TTC29: variants seen among roughly 807,000 people sequenced by gnomAD.
The protein encoded by TTC29 is tetratricopeptide repeat domain 29.
A neutral mutation model predicts 58.1 loss-of-function variants in TTC29; 49 were observed. The observed-to-expected ratio is 0.84, with a 90% CI of 0.67 to 1.07. The LOEUF (loss-of-function observed/expected upper bound fraction) is 1.07, where lower values mean the gene tolerates loss of function less well. Among genes scored for constraint, TTC29 ranks in the 50% least tolerant of loss-of-function variants. The pLI, the probability that TTC29 is intolerant of heterozygous loss-of-function variation, is 0.00. For synonymous variants in TTC29, 209 were observed against 196.8 expected (o/e 1.06, Z -0.52); for missense variants, 582 against 555.6 (o/e 1.05, Z -0.48).
intron 11 of TTC29, among the ~76,000 whole-genome samples, chr4:146,715,886 T>C (rs1045134676): frequency 6.6e-6 from 1 of 152,172 alleles, no homozygotes; most frequent in Non-Finnish European, 1.5e-5. Context: ...ATTCCATAAA[T>C]ATCTACAATT....
rs760414182 is a variant in TTC29, at chr4:146,820,129, T to C, written c.1097A>G (p.Glu366Gly). The C allele has an allele frequency of 1.9e-6, 3 of 1,612,786 alleles. No individual in the cohort carries two copies. Among genetic ancestry groups the C allele is most frequent in the Non-Finnish European group, 2.5e-6 (3 of 1,179,740 alleles). ...ACAAGAAACACATAGACTCACTTTT[T>C]CATTGTAGATGTCCCCAAGCATTGT... The part of the protein sequence containing the change: ...ASTMLGDIYN[E>G]KGYYNKASEC... The change falls in exon 10 of 13, where the codon GAA becomes GGA. Residue 366 changes from glutamate to glycine, a missense_variant. By Grantham distance (98) the Glu-to-Gly change is moderately conservative. Coordinates refer to ENST00000325106, the MANE Select transcript of TTC29 (RefSeq NM_031956.4).
rs1406643090 is a variant in TTC29, at chr4:146,708,328, A to ACATG, written c.1331-778_1331-777insCATG. On this transcript the variant is annotated intron_variant, in intron 11 of 12. Transcript: ENST00000325106. ...GAAGTTTATATATATATATATATAT[A>ACATG]TATATATATATATATATATATATAT... Among the ~76,000 whole-genome samples the ACATG allele has an allele frequency of 5.3e-4, 25 of 47,560 alleles. 2 individuals are homozygous for ACATG. The highest frequency in any genetic ancestry group is 1.2e-3 in the African/African-American group (21 of 18,200). 31.2% of individuals were successfully genotyped at this position (47,560 alleles called of 152,430 possible). A position where few individuals can be genotyped will look rare whatever the true frequency, so the allele number is the denominator to read the frequency against.
At chr4:146,755,315 T>C (rs994870828) in intron 11 of TTC29, among the ~76,000 whole-genome samples, 1 of 152,198 alleles carries the variant, frequency 6.6e-6, no homozygotes, top group African/African-American at 2.4e-5. Flanking sequence ...TATAAAGTTT[T>C]AATGCAATCC....
chr4:146,870,377 T>C (rs1310962836), intron 7 of TTC29, among the ~76,000 whole-genome samples: 2 of 152,016 alleles, frequency 1.3e-5, no homozygotes, highest in African/African-American at 2.4e-5. Context: ...GGGACATTTA[T>C]AGCTATAAAT....
intron 11 of TTC29, among the ~76,000 whole-genome samples, chr4:146,751,606 A>G (rs1431261584): frequency 6.6e-6 from 1 of 152,250 alleles, no homozygotes; most frequent in Non-Finnish European, 1.5e-5. Context: ...CAACGGATCA[A>G]AGAGAAAATC....
intron 6 of TTC29, among the ~76,000 whole-genome samples, chr4:146,883,088 G>A (rs1731742569): frequency 6.6e-6 from 1 of 152,012 alleles, no homozygotes; most frequent in Non-Finnish European, 1.5e-5. Flanking sequence ...CTCAGTAGGT[G>A]GTGAATCAAT....
intron 11 of TTC29, among the ~76,000 whole-genome samples, chr4:146,709,674 A>G (rs943503992): frequency 2.7e-4 from 41 of 152,060 alleles, no homozygotes; most frequent in Non-Finnish European, 5.7e-4. Context: ...AGGCCATTCT[A>G]TGAGACATTC....
At chr4:146,930,951 T>C (rs988383898) in intron 4 of TTC29, among the ~76,000 whole-genome samples, 1 of 152,222 alleles carries the variant, frequency 6.6e-6, no homozygotes, top group African/African-American at 2.4e-5. Flanking sequence ...CGGGCTATTG[T>C]AGGAAGAACC....
chr4:146,723,265 G>A (rs535840539), intron 11 of TTC29, among the ~76,000 whole-genome samples: 36 of 151,830 alleles, frequency 2.4e-4, no homozygotes, highest in African/African-American at 8.7e-4. Context: ...AAAATTAAAT[G>A]TAAGACCTCA....
chr4:146,930,099 A>ATG, intron 4 of TTC29, among the ~76,000 whole-genome samples: 4 of 120,204 alleles, frequency 3.3e-5, no homozygotes, highest in Non-Finnish European at 6.6e-5. Context: ...ATATATATAT[A>ATG]TATATATATA....
chr4:146,920,704 T>C (rs749990171), intron 4 of TTC29, among the ~76,000 whole-genome samples: 26 of 151,200 alleles, frequency 1.7e-4, no homozygotes, highest in Admixed American at 5.3e-4. Flanking sequence ...GCCCCTTTTT[T>C]GATAAAATTT....
At chr4:146,858,395 T>A (rs1730008614) in intron 8 of TTC29, among the ~76,000 whole-genome samples, 1 of 152,200 alleles carries the variant, frequency 6.6e-6, no homozygotes, top group South Asian at 2.1e-4. Flanking sequence ...CACTTATAAT[T>A]AGAATGCCAT....
rs1203362097 is a variant in TTC29 at position 146,819,918 on chromosome 4, C to T, written c.1101+207G>A. Among the ~76,000 whole-genome samples, 5 of 152,260 alleles carry T rather than the reference C, an allele frequency of 3.3e-5. No individual in the cohort carries two copies. In the East Asian group the frequency reaches 9.7e-4, roughly 29 times the overall value. ...GCTCATAAGGACTGTCCCCGCATGG[C>T]CCTAAGATATTGGAAAAGGAGAAGG... is the stretch of plus-strand genomic sequence containing the variant. On this transcript the variant is annotated intron_variant, in intron 10 of 12. Transcript: ENST00000325106.
intron 2 of TTC29, among the ~76,000 whole-genome samples, chr4:146,944,813 TAAAAA>T (rs74915407): frequency 6.7e-6 from 1 of 149,038 alleles, no homozygotes; most frequent in African/African-American, 2.4e-5. Context: ...GCTCCCTAAG[TAAAAA>T]AAAAAACATA....
At chr4:146,883,020 G>A (rs574048188) in intron 6 of TTC29, among the ~76,000 whole-genome samples, 168 of 152,128 alleles carry the variant, frequency 1.1e-3, no homozygotes, top group Non-Finnish European at 1.9e-3. Flanking sequence ...TCAGGTGTTA[G>A]TATATTTTTG....
At chr4:146,803,320 T>C (rs985836054) in intron 11 of TTC29, 137 bp downstream of exon 11, 2 of 640,222 alleles carry the variant, frequency 3.1e-6, no homozygotes, top group Admixed American at 3.0e-5. Flanking sequence ...CCAACCTTCA[T>C]GTAGTAATGG....
At chr4:146,796,899 A>G (rs1452844015) in intron 11 of TTC29, among the ~76,000 whole-genome samples, 1 of 152,190 alleles carries the variant, frequency 6.6e-6, no homozygotes, top group Non-Finnish European at 1.5e-5. Context: ...TGACATTAGA[A>G]GGCCCCTTTG....
intron 8 of TTC29, among the ~76,000 whole-genome samples, chr4:146,861,803 T>A (rs1730251418): frequency 6.6e-6 from 1 of 152,008 alleles, no homozygotes; most frequent in Admixed American, 6.6e-5. Context: ...AGTAAAAATA[T>A]TTAGATAGAT....
intron 4 of TTC29, among the ~76,000 whole-genome samples, chr4:146,917,825 A>C (rs1263637495): frequency 1.3e-5 from 2 of 149,450 alleles, no homozygotes; most frequent in Non-Finnish European, 3.0e-5. Flanking sequence ...ATATTAATTT[A>C]TAATTTTTCT....
Sources: gnomAD v4.1 joint callset for allele counts (sites outside exome capture counted in the v4.1 genomes callset) on GRCh38, gnomAD v4.1.1 for gene constraint, MANE v1.5 for transcripts, NCBI Gene and HGNC (gene_info 2026-07-23, HGNC 2026-07-21) for gene names.